The following FMNL3 variants were observed in gnomAD, a reference collection of about 807,000 sequenced individuals.
FMNL3 encodes the protein formin-like protein 3.
FMNL3 carries 57 observed loss-of-function variants against 119.6 expected under a neutral mutation model. The ratio of observed to expected loss-of-function variants is 0.48; its 90% CI spans 0.39 to 0.59. The LOEUF (loss-of-function observed/expected upper bound fraction) is 0.59. Among genes scored for constraint, FMNL3 ranks in the 20% least tolerant of loss-of-function variants. The probability of loss-of-function intolerance (pLI) is 0.00; values close to 1 mark genes in which losing one functional copy is unlikely to be tolerated. For missense variants in FMNL3, 1,053 were observed against 1,323.5 expected (o/e 0.80, Z 3.17); for synonymous variants, 491 against 507.3 (o/e 0.97, Z 0.43).
rs1313613054 is a variant in FMNL3, at chr12:49,643,530, C to T, written c.*2285G>A. The T allele has an allele frequency of 1.8e-5, 25 of 1,370,846 alleles. No individual in the cohort carries two copies. The highest frequency in any genetic ancestry group is 1.6e-5 in the Non-Finnish European group (16 of 1,015,386). 84.9% of individuals were successfully genotyped at this position (1,370,846 alleles called of 1,614,324 possible). A position where few individuals can be genotyped will look rare whatever the true frequency, so the allele number is the denominator to read the frequency against. ...GCACCTGTGGAAGTAGAAAGAACTT[C>T]CTCTACCTGCCCAAGCAAGAAGCTG... On this transcript the variant is annotated 3_prime_UTR_variant, in exon 26 of 26. Transcript: ENST00000335154.
rs747664026 is a variant in FMNL3, at chr12:49,637,724, T to C, written c.*8091A>G. 1 of 648,450 alleles carries C rather than the reference T, an allele frequency of 1.5e-6. No individual in the cohort carries two copies. 40.2% of individuals were successfully genotyped at this position (648,450 alleles called of 1,614,324 possible). On this transcript the variant is annotated 3_prime_UTR_variant, in exon 26 of 26. Transcript: ENST00000335154. The stretch of plus-strand genomic sequence containing the variant: ...CGCCCGCCAGGCCCCCCTCCCTCCC[T>C]CCTTACAGGCTCCACCCCTCTGGAC...
chr12:49,660,771 A>G (rs1943709944), intron 5 of FMNL3, among the ~76,000 whole-genome samples: 1 of 152,250 alleles, frequency 6.6e-6, no homozygotes, highest in Non-Finnish European at 1.5e-5. Flanking sequence ...CAGCCTGGGC[A>G]GCATGGTGAA....
rs748305136 is a variant in FMNL3 at position 49,639,787 on chromosome 12, C to T, written c.*6028G>A. On this transcript the variant is annotated 3_prime_UTR_variant, in exon 26 of 26. Transcript: ENST00000335154. ...AAGGAAGGAATCAGAGGTGTCAGGGCAGTGGATGATGGCACTATTGATAAG... is the reference window on the plus strand; with the variant it reads ...AAGGAAGGAATCAGAGGTGTCAGGGTAGTGGATGATGGCACTATTGATAAG... 6.6e-6 allele frequency: 1 copy of T among 152,010 alleles called. No individual in the cohort carries two copies. The highest frequency in any genetic ancestry group is 1.5e-5 in the Non-Finnish European group (1 of 68,008). The allele number at this position is 152,010 out of a possible 1,614,324, so 9.4% of individuals were successfully genotyped here.
chr12:49,650,942 G>T, intron 16 of FMNL3, 64 bp from the exon 17 acceptor site: 2 of 1,575,114 alleles, frequency 1.3e-6, no homozygotes, highest in Non-Finnish European at 1.7e-6. Context: ...CCTCATGACA[G>T]CCCACCCAGC....
intron 1 of FMNL3, among the ~76,000 whole-genome samples, chr12:49,690,812 C>A (rs1416380102): frequency 6.6e-6 from 1 of 152,222 alleles, no homozygotes; most frequent in Non-Finnish European, 1.5e-5. Context: ...GGGCGCAGTG[C>A]CAGCACTTTG....
intron 12 of FMNL3, 143 bp from the exon 13 acceptor site, chr12:49,653,470 A>G (rs1565870510): frequency 4.4e-6 from 4 of 913,922 alleles, no homozygotes. Context: ...TTATATTCCA[A>G]TAACAGATAC....
chr12:49,642,366 G>A lies in FMNL3; in HGVS notation c.*3449C>T, dbSNP rs764981717. On this transcript the variant is annotated 3_prime_UTR_variant, in exon 26 of 26. Coordinates refer to ENST00000335154, the MANE Select transcript of FMNL3 (RefSeq NM_175736.5). This position sits in a 1 kb window ranked among gnomAD's most constrained non-coding sequence, Gnocchi z 5.8. The stretch of plus-strand genomic sequence containing the variant: ...CTGCTCTGGAGCTAGGCACTGCCTG[G>A]GAAGAGGTCAGGAGCGTAGCCTGGC... The A allele has an allele frequency of 6.2e-7, 1 of 1,613,776 alleles. No individual in the cohort carries two copies. Among genetic ancestry groups the A allele is most frequent in the South Asian group, 1.1e-5 (1 of 91,076 alleles).
chr12:49,648,085 G>T, intron 22 of FMNL3, 108 bp downstream of exon 22: 2 of 1,360,104 alleles, frequency 1.5e-6, no homozygotes, highest in Admixed American at 2.5e-5. Flanking sequence ...CCTACATGTA[G>T]CCAGCCAGCT....
At chr12:49,704,688 A>G (rs60402517) in intron 1 of FMNL3, among the ~76,000 whole-genome samples, 30,420 of 140,534 alleles carry the variant, frequency 0.22, 5,225 homozygotes, top group African/African-American at 0.49. Flanking sequence ...TCCAGCCTGG[A>G]TGACAGAGCC....
At chr12:49,703,073 C>A (rs571178736) in intron 1 of FMNL3, among the ~76,000 whole-genome samples, 1 of 152,328 alleles carries the variant, frequency 6.6e-6, no homozygotes, top group South Asian at 2.1e-4. Flanking sequence ...TGTCACACAA[C>A]CCTACCCTTA....
chr12:49,642,184 C>CT lies in FMNL3; in HGVS notation c.*3630dup. On this transcript the variant is annotated 3_prime_UTR_variant, in exon 26 of 26. Transcript: ENST00000335154. The surrounding 1 kb of genome is among the most constrained non-coding windows in gnomAD (Gnocchi z 5.8). ...CTCCTAAGGTATGCCTGAGTGGGAC[C>CT]TGGCATCCACCCTCCTGGGTGACCC... 6.2e-7 allele frequency: 1 copy of CT among 1,613,550 alleles called. No homozygotes were observed.
At chr12:49,697,418 A>G (rs1422941541) in intron 1 of FMNL3, among the ~76,000 whole-genome samples, 1 of 152,240 alleles carries the variant, frequency 6.6e-6, no homozygotes, top group African/African-American at 2.4e-5. Context: ...GGAGGTACAG[A>G]TAAGTGGAAG....
rs895594579 is a variant in FMNL3 at position 49,654,847 on chromosome 12, G to A, written c.960+63C>T. The A allele has an allele frequency of 2.7e-6, 4 of 1,508,414 alleles. 1 individual carries two copies. The Admixed American group carries it at 7.2e-5, about 27-fold the overall frequency. The allele number at this position is 1,508,414 out of a possible 1,614,324, so 93.4% of individuals were successfully genotyped here. ...AAGATACGCTGTTGGCCTCACCCCT[G>A]TTGTCAAGGAACACACACACAGCCC... is the stretch of plus-strand genomic sequence containing the variant. On this transcript the variant is annotated intron_variant, in intron 10 of 25. Coordinates refer to ENST00000335154, the MANE Select transcript of FMNL3 (RefSeq NM_175736.5).
chr12:49,652,974 C>T (rs750938748), intron 13 of FMNL3, among the ~76,000 whole-genome samples: 1 of 152,026 alleles, frequency 6.6e-6, no homozygotes, highest in Non-Finnish European at 1.5e-5. Flanking sequence ...TGGGTTGGAA[C>T]TCCAGAATGC....
intron 1 of FMNL3, among the ~76,000 whole-genome samples, chr12:49,673,200 A>G (rs1458025414): frequency 6.6e-6 from 1 of 152,170 alleles, no homozygotes; most frequent in African/African-American, 2.4e-5. Context: ...CACAGATTAA[A>G]TGAGTGCTGT....
rs536042415 is a variant in FMNL3, at chr12:49,648,970, T to C, written c.2515+59A>G. On this transcript the variant is annotated intron_variant, in intron 21 of 25. Coordinates refer to ENST00000335154, the MANE Select transcript of FMNL3 (RefSeq NM_175736.5). Reference sequence around the variant, plus strand: ...CCAAGTGTTCTCTCTCCTCATAGCTTCCTGGGATTGTCCTGGGCTGGATGT... The same window carrying C: ...CCAAGTGTTCTCTCTCCTCATAGCTCCCTGGGATTGTCCTGGGCTGGATGT... The C allele has an allele frequency of 3.9e-6, 6 of 1,526,282 alleles. No individual in the cohort carries two copies. In the East Asian group the frequency reaches 9.0e-5, roughly 23 times the overall value. The allele number at this position is 1,526,282 out of a possible 1,614,324, so 94.5% of individuals were successfully genotyped here. A position where few individuals can be genotyped will look rare whatever the true frequency, so the allele number is the denominator to read the frequency against.
chr12:49,656,364 C>T (rs764327297), intron 9 of FMNL3, 40 bp downstream of exon 9: 9 of 1,554,976 alleles, frequency 5.8e-6, no homozygotes, highest in Admixed American at 3.5e-5. Context: ...CCTTCTCCCC[C>T]GCAAACACAC....
At chr12:49,693,384 G>A (rs1944659292) in intron 1 of FMNL3, among the ~76,000 whole-genome samples, 2 of 151,624 alleles carry the variant, frequency 1.3e-5, no homozygotes, top group Admixed American at 1.3e-4. Flanking sequence ...TTCACTTTTT[G>A]TTGTTTTTTT....
chr12:49,670,698 GTCC>G (rs1944022214), intron 1 of FMNL3, among the ~76,000 whole-genome samples: 2 of 152,208 alleles, frequency 1.3e-5, no homozygotes, highest in Admixed American at 1.3e-4. Context: ...GTGAGGCTGA[GTCC>G]TCCTCACAGT....
Sources: allele counts gnomAD v4.1 joint callset (sites outside exome capture counted in the v4.1 genomes callset), GRCh38; gene constraint gnomAD v4.1.1; non-coding constraint Gnocchi (gnomAD v3.1); transcripts MANE v1.5; gene names NCBI Gene and HGNC (gene_info 2026-07-23, HGNC 2026-07-21).